ZFHX3: variants seen among roughly 807,000 people sequenced by gnomAD.
ZFHX3 encodes zinc finger homeobox protein 3.
A neutral mutation model predicts 279.1 loss-of-function variants in ZFHX3; 42 were observed. The ratio of observed to expected loss-of-function variants is 0.15; its 90% CI spans 0.12 to 0.19. ZFHX3 has a LOEUF of 0.19. Among genes scored for constraint, ZFHX3 ranks in the 10% least tolerant of loss-of-function variants. ZFHX3 has a pLI of 1.00. For missense variants in ZFHX3, 4,981 were observed against 4,754.0 expected, an observed-to-expected ratio of 1.05 and a Z score of -1.40; for synonymous variants, 2,293 against 1,957.8, an observed-to-expected ratio of 1.17 and a Z score of -4.52.
chr16:72,899,877 T>A (rs1347268149), intron 3 of ZFHX3, among the ~76,000 whole-genome samples: 3 of 152,180 alleles, frequency 2.0e-5, no homozygotes, highest in Non-Finnish European at 4.4e-5. Flanking sequence ...TCTTCAGGAT[T>A]AGGGATGGAA....
chr16:73,857,002 GACAA>G (rs1433787578), intron 1 of ZFHX3, among the ~76,000 whole-genome samples: 1 of 152,318 alleles, frequency 6.6e-6, no homozygotes, highest in Middle Eastern at 3.4e-3. Context: ...GAGCGGCACA[GACAA>G]ACAGAGTGCC....
chr16:72,922,512 CCAT>C (rs1422255613), intron 3 of ZFHX3, among the ~76,000 whole-genome samples: 1 of 152,168 alleles, frequency 6.6e-6, no homozygotes, highest in African/African-American at 2.4e-5. Context: ...GAAAGGGCCA[CCAT>C]CAAGGATGGC....
intron 7 of ZFHX3, among the ~76,000 whole-genome samples, chr16:73,109,172 T>A (rs576886459): frequency 2.3e-3 from 350 of 152,310 alleles, no homozygotes; most frequent in African/African-American, 7.7e-3. Flanking sequence ...TTTTCCAGAC[T>A]TTTTCCTGTG....
chr16:72,829,768 G>C lies in ZFHX3; in HGVS notation c.3529+11C>G. On this transcript the variant is annotated intron_variant, in intron 5 of 9. Transcript: ENST00000268489. ...ACACACTACCTGTCCACTTGCCCTG[G>C]TCTTTCTCACCTCCGCCCTCTTGGT... 2 of 1,614,140 alleles carry C rather than the reference G, an allele frequency of 1.2e-6. No homozygotes were observed. Among genetic ancestry groups the C allele is most frequent in the Non-Finnish European group, 8.5e-7 (1 of 1,180,020 alleles).
intron 2 of ZFHX3, among the ~76,000 whole-genome samples, chr16:73,541,677 T>C (rs1420051139): frequency 1.3e-5 from 2 of 151,730 alleles, no homozygotes; most frequent in African/African-American, 4.8e-5. Context: ...CATGGGACGC[T>C]TGGATGAGAG....
intron 2 of ZFHX3, among the ~76,000 whole-genome samples, chr16:73,563,170 T>G (rs866475614): frequency 1.1e-4 from 15 of 134,958 alleles, no homozygotes; most frequent in African/African-American, 2.6e-4. Context: ...TTTTGTTTTG[T>G]TGTGTGTGTG....
chr16:73,025,431 A>AAGC (rs1261081294), intron 1 of ZFHX3, among the ~76,000 whole-genome samples: 3 of 152,228 alleles, frequency 2.0e-5, no homozygotes, highest in Non-Finnish European at 2.9e-5. Flanking sequence ...GCTTCTCAAT[A>AAGC]AGCAGCAGCA....
intron 3 of ZFHX3, among the ~76,000 whole-genome samples, chr16:72,906,592 T>C (rs949883175): frequency 3.3e-5 from 5 of 151,800 alleles, no homozygotes; most frequent in Non-Finnish European, 5.9e-5. Flanking sequence ...AGGTCAGGAG[T>C]TCGAGACCAG....
At chr16:73,457,334 C>A (rs1417409268) in intron 2 of ZFHX3, among the ~76,000 whole-genome samples, 1 of 152,184 alleles carries the variant, frequency 6.6e-6, no homozygotes, top group Non-Finnish European at 1.5e-5. Context: ...GGGACAGTTT[C>A]CCCCATCGGT....
intron 5 of ZFHX3, among the ~76,000 whole-genome samples, chr16:72,823,526 G>A (rs1411428440): frequency 6.6e-6 from 1 of 152,196 alleles, no homozygotes; most frequent in Non-Finnish European, 1.5e-5. Context: ...CTAGGTAAGG[G>A]CATATGGTGC....
chr16:73,443,396 C>G (rs2018129645), intron 3 of ZFHX3, among the ~76,000 whole-genome samples: 1 of 152,204 alleles, frequency 6.6e-6, no homozygotes, highest in African/African-American at 2.4e-5. Flanking sequence ...TAACGATGTA[C>G]AACTTATTGC....
At chr16:73,483,445 A>G in intron 2 of ZFHX3, 1 of 453,518 alleles carries the variant, frequency 2.2e-6, no homozygotes, top group Non-Finnish European at 4.4e-6. Flanking sequence ...TAATCAAGAA[A>G]TAAAAGCATG....
intron 2 of ZFHX3, among the ~76,000 whole-genome samples, chr16:73,542,904 TGTTGTGTAA>T (rs1178125496): frequency 6.6e-6 from 1 of 152,192 alleles, no homozygotes; most frequent in Non-Finnish European, 1.5e-5. Flanking sequence ...AACTTCACTC[TGTTGTGTAA>T]ATTTTGGGGG....
intron 3 of ZFHX3, among the ~76,000 whole-genome samples, chr16:73,334,807 A>ATTTT (rs1224756669): frequency 1.4e-3 from 39 of 28,454 alleles, no homozygotes; most frequent in Non-Finnish European, 1.9e-3. Context: ...TTTCTTTCTC[A>ATTTT]TTCTTTTTTT....
chr16:73,263,915 C>G (rs2013894334), intron 4 of ZFHX3, among the ~76,000 whole-genome samples: 1 of 152,156 alleles, frequency 6.6e-6, no homozygotes, highest in African/African-American at 2.4e-5. Flanking sequence ...GCCTGTAATC[C>G]CAGCACTTTG....
chr16:72,997,756 T>A (rs932956959), intron 1 of ZFHX3, among the ~76,000 whole-genome samples: 7 of 152,138 alleles, frequency 4.6e-5, no homozygotes, highest in African/African-American at 1.7e-4. Context: ...CACCTATCTA[T>A]GAACTTTAAA....
chr16:73,855,185 CAG>C (rs1414729612), intron 1 of ZFHX3, among the ~76,000 whole-genome samples: 2 of 147,924 alleles, frequency 1.4e-5, no homozygotes, highest in Non-Finnish European at 3.0e-5. Flanking sequence ...CCATTTGAAT[CAG>C]AGATTGTTTG....
intron 3 of ZFHX3, among the ~76,000 whole-genome samples, chr16:72,923,551 G>A (rs1959260762): frequency 6.6e-6 from 1 of 151,550 alleles, no homozygotes; most frequent in Non-Finnish European, 1.5e-5. Context: ...TCAGGTTAAT[G>A]ATTTCCCAGA....
intron 3 of ZFHX3, among the ~76,000 whole-genome samples, chr16:72,927,986 T>TG (rs36130000): frequency 0.3 from 43,560 of 146,950 alleles, 6,844 homozygotes; most frequent in African/African-American, 0.35. Flanking sequence ...ACTGTGCCTT[T>TG]GGAAGCTGGG....
Sources: gnomAD v4.1 joint callset for allele counts (sites outside exome capture counted in the v4.1 genomes callset) on GRCh38, gnomAD v4.1.1 for gene constraint, MANE v1.5 for transcripts, NCBI Gene and HGNC (gene_info 2026-07-23, HGNC 2026-07-21) for gene names.